The following RAD51B variants were observed in gnomAD, a reference collection of about 807,000 sequenced individuals.
RAD51B encodes RAD51 paralog B.
RAD51B carries 38 observed loss-of-function variants against 42.2 expected under a neutral mutation model. The observed-to-expected ratio is 0.90, with a 90% CI of 0.70 to 1.18. The LOEUF (loss-of-function observed/expected upper bound fraction) is 1.18, where lower values mean the gene tolerates loss of function less well. RAD51B is among the 50% of genes most tolerant of loss of function. The pLI, the probability that RAD51B is intolerant of heterozygous loss-of-function variation, is 0.00. For missense variants in RAD51B, 373 were observed against 400.7 expected (o/e 0.93, Z 0.59); for synonymous variants, 154 against 145.2 (o/e 1.06, Z -0.43).
chr14:67,977,951 T>C (rs2075025622), intron 7 of RAD51B, among the ~76,000 whole-genome samples: 1 of 152,222 alleles, frequency 6.6e-6, no homozygotes, highest in South Asian at 2.1e-4. Context: ...TTGTATCTTC[T>C]TTTATGGCTT....
At chr14:67,893,364 T>A (rs573071718) in intron 7 of RAD51B, among the ~76,000 whole-genome samples, 1 of 151,662 alleles carries the variant, frequency 6.6e-6, no homozygotes, top group African/African-American at 2.4e-5. Context: ...ACACCTGAAA[T>A]CCCAGCATTT....
chr14:68,108,802 AT>A (rs897480481), intron 7 of RAD51B, among the ~76,000 whole-genome samples: 1 of 151,930 alleles, frequency 6.6e-6, no homozygotes, highest in Non-Finnish European at 1.5e-5. Flanking sequence ...TTACGTATAT[AT>A]TTTTTAAACC....
chr14:68,253,086 A>G (rs1016985738), intron 7 of RAD51B, among the ~76,000 whole-genome samples: 2 of 152,142 alleles, frequency 1.3e-5, no homozygotes, highest in African/African-American at 4.8e-5. Flanking sequence ...CCGTCAAAAA[A>G]AAAAAAAAAG....
intron 7 of RAD51B, among the ~76,000 whole-genome samples, chr14:68,020,925 G>A (rs2075853329): frequency 6.6e-6 from 1 of 151,986 alleles, no homozygotes; most frequent in Non-Finnish European, 1.5e-5. Flanking sequence ...TTATCCTTTA[G>A]GTGTACCACC....
chr14:68,651,707 G>A (rs1395917196), intron 11 of RAD51B, among the ~76,000 whole-genome samples: 1 of 151,900 alleles, frequency 6.6e-6, no homozygotes, highest in East Asian at 1.9e-4. Context: ...TGTAGGCTTC[G>A]CTTGGCACCG....
intron 10 of RAD51B, among the ~76,000 whole-genome samples, chr14:68,649,743 C>G (rs1044719013): frequency 2.0e-5 from 3 of 152,156 alleles, no homozygotes; most frequent in African/African-American, 7.2e-5. Flanking sequence ...CTGTATGGGG[C>G]AGATTTCCTC....
chr14:67,873,071 A>G (rs984547792), intron 5 of RAD51B, among the ~76,000 whole-genome samples: 1 of 152,242 alleles, frequency 6.6e-6, no homozygotes, highest in Non-Finnish European at 1.5e-5. Flanking sequence ...ATGGCAACAA[A>G]AGCCAAAATT....
chr14:68,045,890 A>C (rs1024163298), intron 7 of RAD51B, among the ~76,000 whole-genome samples: 4 of 152,058 alleles, frequency 2.6e-5, no homozygotes, highest in African/African-American at 9.7e-5. Flanking sequence ...ACTATATTTA[A>C]AAATATATAA....
rs539959478 is a variant in RAD51B, at chr14:68,586,962, G to A, written c.1037-7523G>A. Among the ~76,000 whole-genome samples the A allele has an allele frequency of 5.3e-5, 8 of 151,842 alleles. No individual in the cohort carries two copies. The East Asian group carries it at 5.8e-4, about 11-fold the overall frequency. On this transcript the variant is annotated intron_variant, in intron 10 of 10. Transcript: ENST00000487270. ...AGAGGTTGCAGTGAGTCGAGATCAC[G>A]CCATTGCAGTGAGCCGAGATCGCGC...
intron 7 of RAD51B, among the ~76,000 whole-genome samples, chr14:68,066,152 A>G (rs2076646628): frequency 6.6e-6 from 1 of 152,124 alleles, no homozygotes; most frequent in Non-Finnish European, 1.5e-5. Context: ...TGAAGTCATT[A>G]AATTATTTAC....
At chr14:68,293,361 T>C in intron 8 of RAD51B, among the ~76,000 whole-genome samples, 1 of 152,326 alleles carries the variant, frequency 6.6e-6, no homozygotes, top group East Asian at 1.9e-4. Context: ...TGAAAGTATT[T>C]ATACCATGGA....
intron 5 of RAD51B, among the ~76,000 whole-genome samples, chr14:67,883,705 C>A (rs1289015682): frequency 1.3e-5 from 2 of 152,120 alleles, no homozygotes; most frequent in Non-Finnish European, 2.9e-5. Flanking sequence ...CTTATTACCT[C>A]ATATATAATA....
chr14:68,336,157 G>C (rs2082451129), intron 8 of RAD51B, among the ~76,000 whole-genome samples: 1 of 152,164 alleles, frequency 6.6e-6, no homozygotes, highest in Admixed American at 6.5e-5. Flanking sequence ...GATATATAAT[G>C]TATTCAACAA....
intron 4 of RAD51B, among the ~76,000 whole-genome samples, chr14:67,847,314 G>C (rs1566921493): frequency 7.0e-6 from 1 of 142,640 alleles, no homozygotes; most frequent in Non-Finnish European, 1.5e-5. Context: ...CTAGTTTTGG[G>C]GTTGGTTTGT....
At chr14:68,189,108 T>C (rs551435147) in intron 7 of RAD51B, among the ~76,000 whole-genome samples, 1 of 152,074 alleles carries the variant, frequency 6.6e-6, no homozygotes, top group African/African-American at 2.4e-5. Context: ...GCTGCATATG[T>C]ATTATATTTT....
At chr14:68,095,475 AAG>A (rs1566641094) in intron 7 of RAD51B, among the ~76,000 whole-genome samples, 1 of 152,026 alleles carries the variant, frequency 6.6e-6, no homozygotes, top group African/African-American at 2.4e-5. Context: ...AAAAAAAAAG[AAG>A]TCTTTCTTTG....
Position 68,062,717 on chromosome 14 carries a change from G to A in RAD51B, c.756+175513G>A, listed in dbSNP as rs35426617. ...CTAGCTACTCAGGAGGCTGAGACAT[G>A]AGAATCACTTGAACCTAGGGGGCAG... is the stretch of plus-strand genomic sequence containing the variant. On this transcript the variant is annotated intron_variant, in intron 7 of 10. Transcript: ENST00000471583. Among the ~76,000 whole-genome samples the A allele has an allele frequency of 5.4e-3, 815 of 150,162 alleles. 9 individuals are homozygous for A. Among genetic ancestry groups the A allele is most frequent in the Non-Finnish European group, 7.4e-3 (499 of 67,696 alleles).
chr14:68,327,735 A>T (rs1399501879), intron 8 of RAD51B, among the ~76,000 whole-genome samples: 1 of 150,432 alleles, frequency 6.6e-6, no homozygotes, highest in Non-Finnish European at 1.5e-5. Context: ...ATTAAAAAAA[A>T]GTATATAATA....
chr14:68,343,564 G>A lies in RAD51B; in HGVS notation c.853+51584G>A, dbSNP rs2082613118. Among the ~76,000 whole-genome samples the A allele has an allele frequency of 2.0e-5, 3 of 152,218 alleles. No individual in the cohort carries two copies. In the South Asian group the frequency reaches 6.2e-4, roughly 31 times the overall value. ...GGATAATTTGCAGCCTGGCTATGTGGCCAGAGAAATAAAAAGCATTTTTAG... is the reference window on the plus strand; with the variant it reads ...GGATAATTTGCAGCCTGGCTATGTGACCAGAGAAATAAAAAGCATTTTTAG... On this transcript the variant is annotated intron_variant, in intron 8 of 10. Transcript: ENST00000471583.
Sources: allele counts gnomAD v4.1 joint callset (sites outside exome capture counted in the v4.1 genomes callset), GRCh38; gene constraint gnomAD v4.1.1; transcripts MANE v1.5; gene names NCBI Gene and HGNC (gene_info 2026-07-23, HGNC 2026-07-21).